The following SYNDIG1 variants were observed in gnomAD, a reference collection of about 807,000 sequenced individuals.
SYNDIG1 encodes the protein synapse differentiation-inducing gene protein 1.
In SYNDIG1, 9 loss-of-function variants were observed where a neutral mutation model predicts 19.4. That is an observed-to-expected ratio of 0.46 (90% CI 0.28 to 0.81). The LOEUF is 0.81. SYNDIG1 is among the 30% of genes least tolerant of loss of function. The pLI, the probability that SYNDIG1 is intolerant of heterozygous loss-of-function variation, is 0.12. For synonymous variants in SYNDIG1, 141 were observed against 145.9 expected (o/e 0.97, Z 0.24); for missense variants, 311 against 343.3 (o/e 0.91, Z 0.74).
At chr20:24,568,150 A>G (rs921877101) in intron 2 of SYNDIG1, among the ~76,000 whole-genome samples, 1 of 152,178 alleles carries the variant, frequency 6.6e-6, no homozygotes, top group African/African-American at 2.4e-5. Context: ...CAAAAAAAAC[A>G]CAAAAAAGAA....
intron 1 of SYNDIG1, among the ~76,000 whole-genome samples, chr20:24,516,045 A>G: frequency 6.6e-6 from 1 of 152,162 alleles, no homozygotes; most frequent in Non-Finnish European, 1.5e-5. Flanking sequence ...CACATCTACA[A>G]CCATCTGATC....
chr20:24,543,474 T>C lies in SYNDIG1; in HGVS notation c.377T>C (p.Leu126Pro). The change falls in exon 2 of 4, where the codon CTC (leucine) becomes CCC (proline). Residue 126 changes from leucine to proline, a missense_variant. By Grantham distance (98) the Leu-to-Pro change is moderately conservative. Coordinates refer to ENST00000376862, the MANE Select transcript of SYNDIG1 (RefSeq NM_024893.3). ...GACCGGTCGCCCACCAAAGACAGCC[T>C]CGAGTACCCGGATGGGAAGTTCATT... The part of the protein sequence containing the change: ...IEDRSPTKDS[L>P]EYPDGKFIDL... 1 of 1,613,096 alleles carries C rather than the reference T, an allele frequency of 6.2e-7. No homozygotes were observed. The highest frequency in any genetic ancestry group is 1.7e-4 in the Middle Eastern group (1 of 6,060).
chr20:24,582,616 C>T (rs1425674560), intron 2 of SYNDIG1, among the ~76,000 whole-genome samples: 1 of 151,938 alleles, frequency 6.6e-6, no homozygotes, highest in African/African-American at 2.4e-5. Flanking sequence ...TGAGCATCTC[C>T]ACCTGGACAG....
chr20:24,612,086 A>C (rs1425317865), intron 3 of SYNDIG1, among the ~76,000 whole-genome samples: 1 of 152,232 alleles, frequency 6.6e-6, no homozygotes, highest in Non-Finnish European at 1.5e-5. Context: ...AAGTTCTCTA[A>C]GGTTCTGCGT....
At chr20:24,641,665 A>G (rs1337729538) in intron 3 of SYNDIG1, among the ~76,000 whole-genome samples, 1 of 152,174 alleles carries the variant, frequency 6.6e-6, no homozygotes. Flanking sequence ...TAGTTAACAT[A>G]CGTGCTAGAC....
Position 24,640,331 on chromosome 20 carries a change from GAGAA to G in SYNDIG1, c.619-25011_619-25008del, listed in dbSNP as rs1323797357. ...GAGAAAAAAAAGAAGGAAAGAAAGAGAGAAAGAGAGAGACATTGAGAGCGAGAGA... is the reference window on the plus strand; with the variant it reads ...GAGAAAAAAAAGAAGGAAAGAAAGAGAGAGAGAGACATTGAGAGCGAGAGA... On this transcript the variant is annotated intron_variant, in intron 3 of 3. Coordinates refer to ENST00000376862, the MANE Select transcript of SYNDIG1 (RefSeq NM_024893.3). Among the ~76,000 whole-genome samples the G allele has an allele frequency of 7.5e-5, 11 of 147,434 alleles. No individual in the cohort carries two copies. In the East Asian group the frequency reaches 1.6e-3, roughly 21 times the overall value.
chr20:24,528,908 A>G (rs752843444), intron 1 of SYNDIG1, among the ~76,000 whole-genome samples: 1 of 152,168 alleles, frequency 6.6e-6, no homozygotes, highest in Non-Finnish European at 1.5e-5. Context: ...CCAGCCCCAA[A>G]CACTACAAAC....
intron 3 of SYNDIG1, among the ~76,000 whole-genome samples, chr20:24,644,032 G>A (rs1166891722): frequency 2.6e-5 from 4 of 152,188 alleles, no homozygotes; most frequent in Admixed American, 6.5e-5. Context: ...CTATGCCAAA[G>A]AAGAAAAAGA....
intron 2 of SYNDIG1, among the ~76,000 whole-genome samples, chr20:24,544,511 G>A (rs1022273280): frequency 1.3e-5 from 2 of 152,178 alleles, no homozygotes; most frequent in African/African-American, 4.8e-5. Flanking sequence ...ATTTTTGTAG[G>A]TGGAGAGGAA....
At chr20:24,481,072 A>C (rs1022130987) in intron 1 of SYNDIG1, among the ~76,000 whole-genome samples, 1 of 152,186 alleles carries the variant, frequency 6.6e-6, no homozygotes, top group South Asian at 2.1e-4. Context: ...TATACTTAGC[A>C]CACTAAGAAA....
intron 1 of SYNDIG1, among the ~76,000 whole-genome samples, chr20:24,496,097 G>A (rs1437354756): frequency 6.6e-6 from 1 of 152,032 alleles, no homozygotes; most frequent in African/African-American, 2.4e-5. Context: ...AGCCCGCCTC[G>A]GCCTCCCAAA....
chr20:24,616,108 A>G (rs2058928460), intron 3 of SYNDIG1, among the ~76,000 whole-genome samples: 1 of 152,226 alleles, frequency 6.6e-6, no homozygotes, highest in Admixed American at 6.5e-5. Context: ...TTAAAAATGC[A>G]AACCCAAATG....
At chr20:24,616,622 C>T (rs1028359248) in intron 3 of SYNDIG1, among the ~76,000 whole-genome samples, 1 of 152,212 alleles carries the variant, frequency 6.6e-6, no homozygotes, top group African/African-American at 2.4e-5. Context: ...CAGGAGAAGG[C>T]GCAAGGAGGC....
At chr20:24,480,554 A>C (rs1441972752) in intron 1 of SYNDIG1, among the ~76,000 whole-genome samples, 1 of 152,218 alleles carries the variant, frequency 6.6e-6, no homozygotes, top group Non-Finnish European at 1.5e-5. Flanking sequence ...TTGCTATGGA[A>C]AATAGTGTGG....
intron 3 of SYNDIG1, among the ~76,000 whole-genome samples, chr20:24,627,045 C>G (rs1053222694): frequency 3.4e-5 from 5 of 148,824 alleles, no homozygotes; most frequent in Non-Finnish European, 6.0e-5. Flanking sequence ...AGCTTCGGCT[C>G]GGCATGAGAG....
intron 1 of SYNDIG1, among the ~76,000 whole-genome samples, chr20:24,476,010 TCCA>T (rs1002230105): frequency 6.6e-6 from 1 of 151,866 alleles, no homozygotes; most frequent in African/African-American, 2.4e-5. Context: ...ACAGGCGCAC[TCCA>T]CCATGCCCGG....
At chr20:24,475,643 A>G (rs2055598363) in intron 1 of SYNDIG1, among the ~76,000 whole-genome samples, 1 of 152,208 alleles carries the variant, frequency 6.6e-6, no homozygotes, top group South Asian at 2.1e-4. Flanking sequence ...TTTGCCTCAG[A>G]TCTCCCATGG....
At chr20:24,526,053 G>T (rs930071806) in intron 1 of SYNDIG1, among the ~76,000 whole-genome samples, 1 of 151,902 alleles carries the variant, frequency 6.6e-6, no homozygotes, top group African/African-American at 2.4e-5. Context: ...TTGTTGCCTA[G>T]GATTTTCCTT....
At chr20:24,653,908 G>A (rs1224068811) in intron 3 of SYNDIG1, among the ~76,000 whole-genome samples, 1 of 152,018 alleles carries the variant, frequency 6.6e-6, no homozygotes, top group African/African-American at 2.4e-5. Context: ...GTCAGATTAG[G>A]GCCCATCCTA....
Sources: allele counts gnomAD v4.1 joint callset (sites outside exome capture counted in the v4.1 genomes callset), GRCh38; gene constraint gnomAD v4.1.1; transcripts MANE v1.5; gene names NCBI Gene and HGNC (gene_info 2026-07-23, HGNC 2026-07-21).